The following YTHDC2 variants were observed in gnomAD, a reference collection of about 807,000 sequenced individuals.
YTHDC2 encodes the protein 3'-5' RNA helicase YTHDC2.
YTHDC2 carries 45 observed loss-of-function variants against 174.9 expected under a neutral mutation model. The ratio of observed to expected loss-of-function variants is 0.26; its 90% CI spans 0.20 to 0.33. The LOEUF (loss-of-function observed/expected upper bound fraction) is 0.33. Among genes scored for constraint, YTHDC2 ranks in the 10% least tolerant of loss-of-function variants. The pLI, the probability that YTHDC2 is intolerant of heterozygous loss-of-function variation, is 1.00. For synonymous variants in YTHDC2, 657 were observed against 574.5 expected, an observed-to-expected ratio of 1.14 and a Z score of -2.05; for missense variants, 1,650 against 1,723.7, an observed-to-expected ratio of 0.96 and a Z score of 0.76.
At chr5:113,554,323 G>T (rs1776460398) in intron 16 of YTHDC2, among the ~76,000 whole-genome samples, 1 of 152,170 alleles carries the variant, frequency 6.6e-6, no homozygotes, top group East Asian at 1.9e-4. Flanking sequence ...ATACTAGGAA[G>T]AAAGTAAAGG....
At chr5:113,521,820 CAAA>C (rs59402463) in intron 2 of YTHDC2, among the ~76,000 whole-genome samples, 25 of 118,570 alleles carry the variant, frequency 2.1e-4, no homozygotes, top group Non-Finnish European at 2.6e-4. Context: ...GACTCTGTCT[CAAA>C]AAAAAAAAAA....
intron 16 of YTHDC2, among the ~76,000 whole-genome samples, chr5:113,555,154 A>G (rs1391868696): frequency 1.3e-5 from 2 of 151,996 alleles, no homozygotes; most frequent in Non-Finnish European, 2.9e-5. Flanking sequence ...AATTACCTAA[A>G]GTGGATAAAG....
At chr5:113,572,878 A>G in intron 23 of YTHDC2, among the ~76,000 whole-genome samples, 1 of 152,128 alleles carries the variant, frequency 6.6e-6, no homozygotes, top group East Asian at 1.9e-4. Flanking sequence ...TCTTTTGAAG[A>G]CAGCATACTC....
intron 23 of YTHDC2, among the ~76,000 whole-genome samples, chr5:113,576,124 T>G (rs1425117161): frequency 1.3e-5 from 2 of 152,084 alleles, no homozygotes; most frequent in Non-Finnish European, 2.9e-5. Flanking sequence ...AGGAAGCAGT[T>G]GGATATGCAT....
chr5:113,539,132 TG>T lies in YTHDC2; in HGVS notation c.1163del (p.Gly388AspfsTer8). The T allele has an allele frequency of 7.0e-7, 1 of 1,437,946 alleles. No homozygotes were observed. The allele number at this position is 1,437,946 out of a possible 1,614,324, so 89.1% of individuals were successfully genotyped here. A position where few individuals can be genotyped will look rare whatever the true frequency, so the allele number is the denominator to read the frequency against. On this transcript the variant is annotated frameshift_variant, in exon 8 of 30. Transcript: ENST00000161863. LOFTEE classifies it high-confidence loss of function. ...TTCTGGAAGATATTTTAAGAACAAC[TG>T]GATATACAAACAAAGAAATGTTAAA... The part of the protein sequence containing the change: ...MFLEDILRTT[G>X]YTNKEMLKYK...
chr5:113,549,125 C>G (rs143552754), intron 12 of YTHDC2, 105 bp downstream of exon 12: 34 of 948,250 alleles, frequency 3.6e-5, no homozygotes, highest in Middle Eastern at 6.0e-4. Context: ...AGTCTTTTAT[C>G]CAGAGATTTT....
chr5:113,558,088 G>T (rs912672988), intron 17 of YTHDC2, among the ~76,000 whole-genome samples: 1 of 152,130 alleles, frequency 6.6e-6, no homozygotes, highest in Non-Finnish European at 1.5e-5. Flanking sequence ...GAATAAAGGG[G>T]GAGGCATTTC....
At chr5:113,534,273 T>C (rs1774895569) in intron 5 of YTHDC2, 32 bp from the exon 6 acceptor site, 3 of 1,560,960 alleles carry the variant, frequency 1.9e-6, no homozygotes, top group Non-Finnish European at 2.6e-6. Context: ...AAACTTGCAA[T>C]TGTGCACTTT....
At chr5:113,590,733 T>C (rs561246634) in intron 26 of YTHDC2, among the ~76,000 whole-genome samples, 1 of 152,344 alleles carries the variant, frequency 6.6e-6, no homozygotes, top group East Asian at 1.9e-4. Context: ...AGTATTTGTT[T>C]TGTTTTCTGA....
At chr5:113,532,288 A>G (rs1255704559) in intron 4 of YTHDC2, among the ~76,000 whole-genome samples, 1 of 152,162 alleles carries the variant, frequency 6.6e-6, no homozygotes, top group South Asian at 2.1e-4. Flanking sequence ...TTTTTCTTGA[A>G]AGATTTCATA....
intron 8 of YTHDC2, among the ~76,000 whole-genome samples, chr5:113,540,671 C>G (rs1775392455): frequency 6.6e-6 from 1 of 152,142 alleles, no homozygotes; most frequent in Non-Finnish European, 1.5e-5. Context: ...CCCCCATGAT[C>G]CAATCACCTC....
At chr5:113,530,114 AT>A (rs1774553723) in intron 4 of YTHDC2, among the ~76,000 whole-genome samples, 1 of 152,182 alleles carries the variant, frequency 6.6e-6, no homozygotes, top group Non-Finnish European at 1.5e-5. Flanking sequence ...TCCTATAAAT[AT>A]TTTATTCTAA....
At chr5:113,541,819 G>C (rs1178992061) in intron 9 of YTHDC2, among the ~76,000 whole-genome samples, 1 of 151,720 alleles carries the variant, frequency 6.6e-6, no homozygotes, top group African/African-American at 2.4e-5. Context: ...TATGTTTATA[G>C]GATTATAACA....
chr5:113,528,081 A>G (rs921182053), intron 4 of YTHDC2, among the ~76,000 whole-genome samples: 1 of 152,230 alleles, frequency 6.6e-6, no homozygotes, highest in Non-Finnish European at 1.5e-5. Flanking sequence ...TAATTGTAGC[A>G]GTTCTAATTA....
chr5:113,553,441 A>G, intron 13 of YTHDC2, 82 bp downstream of exon 13: 1 of 1,434,972 alleles, frequency 7.0e-7, no homozygotes. Flanking sequence ...TTTTTATATA[A>G]TTGCACTGAT....
rs72805421 is a variant in YTHDC2, at chr5:113,553,178, C to G, written c.1689-3C>G. On this transcript the variant is annotated splice_polypyrimidine_tract_variant and splice_region_variant and intron_variant, in intron 12 of 29. Coordinates refer to ENST00000161863, the MANE Select transcript of YTHDC2 (RefSeq NM_022828.5). ...TTGTCTTTTTTTTTTTTTTTTTTTT[C>G]AGTGCTACACTGGAATTTGGAAATC... 6 of 782,170 alleles carry G rather than the reference C, an allele frequency of 7.7e-6. No individual in the cohort carries two copies. The highest frequency in any genetic ancestry group is 8.4e-6 in the Non-Finnish European group (5 of 594,460). 48.5% of individuals were successfully genotyped at this position (782,170 alleles called of 1,614,324 possible). A position where few individuals can be genotyped will look rare whatever the true frequency, so the allele number is the denominator to read the frequency against.
intron 26 of YTHDC2, among the ~76,000 whole-genome samples, chr5:113,587,855 T>A (rs1778779758): frequency 6.6e-6 from 1 of 151,728 alleles, no homozygotes; most frequent in Non-Finnish European, 1.5e-5. Context: ...TTAAAGAAAA[T>A]CAACAATTAA....
At chr5:113,550,557 G>T (rs1290610008) in intron 12 of YTHDC2, among the ~76,000 whole-genome samples, 3 of 152,128 alleles carry the variant, frequency 2.0e-5, no homozygotes, top group African/African-American at 7.2e-5. Context: ...TAGGGAAGTG[G>T]AAGTGGTAAC....
chr5:113,592,191 ATTT>A lies in YTHDC2; in HGVS notation c.4212+22_4212+24del. 7.2e-7 allele frequency: 1 copy of A among 1,382,660 alleles called. No homozygotes were observed. Among genetic ancestry groups the A allele is most frequent in the South Asian group, 1.4e-5 (1 of 70,444 alleles). 85.6% of individuals were successfully genotyped at this position (1,382,660 alleles called of 1,614,324 possible). On this transcript the variant is annotated intron_variant, in intron 28 of 29. Coordinates refer to ENST00000161863, the MANE Select transcript of YTHDC2 (RefSeq NM_022828.5). ...CAGGGATGGGCAGGTATACAATGGC[ATTT>A]TTTTTTTTATTTACTTTTGTTTCTG...
Sources: allele counts gnomAD v4.1 joint callset (sites outside exome capture counted in the v4.1 genomes callset), GRCh38; gene constraint gnomAD v4.1.1; transcripts MANE v1.5; gene names NCBI Gene and HGNC (gene_info 2026-07-23, HGNC 2026-07-21).